MORN5: variants seen among roughly 807,000 people sequenced by gnomAD.
MORN5 encodes MORN repeat containing 5.
A neutral mutation model predicts 22.1 loss-of-function variants in MORN5; 21 were observed. The ratio of observed to expected loss-of-function variants is 0.95; its 90% confidence interval spans 0.67 to 1.37. MORN5 has a LOEUF of 1.37. Among genes scored for constraint, MORN5 ranks in the 40% most tolerant of loss-of-function variants. MORN5 has a pLI of 0.00. For synonymous variants in MORN5, 73 were observed against 74.0 expected, an observed-to-expected ratio of 0.99 and a Z score of 0.07; for missense variants, 211 against 215.1, an observed-to-expected ratio of 0.98 and a Z score of 0.12.
chr9:122,192,849 TG>T (rs1237945054), intron 4 of MORN5, among the ~76,000 whole-genome samples: 1 of 152,234 alleles, frequency 6.6e-6, no homozygotes, highest in Admixed American at 6.5e-5. Flanking sequence ...TTGCCCAGGG[TG>T]GGGAAGAAAT....
Position 122,159,930 on chromosome 9 carries a change from T to G in MORN5, c.-43T>G. 6.2e-7 allele frequency: 1 copy of G among 1,601,844 alleles called. No homozygotes were observed. The highest frequency in any genetic ancestry group is 8.6e-7 in the Non-Finnish European group (1 of 1,168,822). ...GTTGTCATAGTGATGCCGTATCCAC[T>G]GAGACTCCGGATCCTAACAGCTGGA... is the stretch of plus-strand genomic sequence containing the variant. On this transcript the variant is annotated 5_prime_UTR_variant, in exon 1 of 5. Transcript: ENST00000373764.
At chr9:122,171,538 A>G (rs562151425) in intron 3 of MORN5, among the ~76,000 whole-genome samples, 12 of 152,092 alleles carry the variant, frequency 7.9e-5, no homozygotes, top group African/African-American at 1.7e-4. Context: ...TTCAACTACC[A>G]TCAGCTTCTA....
At chr9:122,170,034 A>G (rs947008500) in intron 3 of MORN5, among the ~76,000 whole-genome samples, 7 of 152,326 alleles carry the variant, frequency 4.6e-5, no homozygotes, top group African/African-American at 1.7e-4. Context: ...CGTGGTGACT[A>G]TGCCTGTAAT....
intron 1 of MORN5, among the ~76,000 whole-genome samples, chr9:122,163,196 G>A (rs796839301): frequency 6.6e-6 from 1 of 152,142 alleles, no homozygotes. Flanking sequence ...AGGAAGGGAC[G>A]CCCATAGCAT....
intron 4 of MORN5, among the ~76,000 whole-genome samples, chr9:122,176,596 G>C (rs978439910): frequency 1.3e-5 from 2 of 152,136 alleles, no homozygotes; most frequent in African/African-American, 4.8e-5. Context: ...AAAATGGAAA[G>C]AGGCAGGACG....
At chr9:122,178,792 T>C (rs920433973) in intron 4 of MORN5, among the ~76,000 whole-genome samples, 5 of 152,118 alleles carry the variant, frequency 3.3e-5, no homozygotes, top group Non-Finnish European at 5.9e-5. Flanking sequence ...GGTTATTTAG[T>C]TGGTTGGGTT....
In MORN5 at chr9:122,166,960, G is replaced by T. The variant is rs74490453; in HGVS notation, c.195+45G>T. 1.4e-5 allele frequency: 22 copies of T among 1,569,756 alleles called. No individual in the cohort carries two copies. In the East Asian group the frequency reaches 4.4e-4, roughly 31 times the overall value. The stretch of plus-strand genomic sequence containing the variant: ...GATGCTGTGGAGGAGAGATCCTCAC[G>T]CAAGAAGAGCCTCACCCTCTGGCAC... On this transcript the variant is annotated intron_variant, in intron 2 of 4. Transcript: ENST00000373764.
intron 4 of MORN5, among the ~76,000 whole-genome samples, chr9:122,193,922 C>A (rs1414387112): frequency 6.6e-6 from 1 of 152,182 alleles, no homozygotes; most frequent in Non-Finnish European, 1.5e-5. Flanking sequence ...AACCTGGCGA[C>A]CTTGAAGGCC....
chr9:122,166,280 T>TTATATA (rs145965768), intron 1 of MORN5, among the ~76,000 whole-genome samples: 6 of 149,654 alleles, frequency 4.0e-5, no homozygotes, highest in Admixed American at 6.6e-5. Flanking sequence ...GTATCCAAGA[T>TTATATA]TATATATATA....
intron 4 of MORN5, among the ~76,000 whole-genome samples, chr9:122,185,550 T>C (rs562209093): frequency 2.5e-4 from 34 of 138,480 alleles, no homozygotes; most frequent in South Asian, 2.4e-4. Context: ...TTAGTAGAGA[T>C]GGGGTTTCAC....
intron 4 of MORN5, among the ~76,000 whole-genome samples, chr9:122,189,615 T>C (rs1829714540): frequency 6.6e-6 from 1 of 151,980 alleles, no homozygotes; most frequent in African/African-American, 2.4e-5. Context: ...TTTTTTTCTT[T>C]TTTTATTTTG....
chr9:122,196,637 A>C (rs1341847897), intron 4 of MORN5, among the ~76,000 whole-genome samples: 1 of 152,218 alleles, frequency 6.6e-6, no homozygotes, highest in Non-Finnish European at 1.5e-5. Flanking sequence ...GGCAAAAGCC[A>C]ATAATTATTT....
intron 1 of MORN5, among the ~76,000 whole-genome samples, chr9:122,163,319 A>T (rs1829230208): frequency 6.6e-6 from 1 of 152,180 alleles, no homozygotes; most frequent in Admixed American, 6.5e-5. Flanking sequence ...TAAGGCTCGG[A>T]GTAAACCTGC....
At chr9:122,194,151 C>T (rs572884245) in intron 4 of MORN5, among the ~76,000 whole-genome samples, 89 of 152,302 alleles carry the variant, frequency 5.8e-4, no homozygotes, top group African/African-American at 2.1e-3. Context: ...TAGACCTAAA[C>T]CTGAAGTGCA....
chr9:122,193,049 G>A (rs546311366), intron 4 of MORN5, among the ~76,000 whole-genome samples: 9 of 152,192 alleles, frequency 5.9e-5, no homozygotes, highest in African/African-American at 1.7e-4. Context: ...CTGTGACTTC[G>A]GCTCAGGGAA....
intron 4 of MORN5, among the ~76,000 whole-genome samples, chr9:122,199,317 C>A (rs111762068): frequency 1.3e-5 from 2 of 152,116 alleles, no homozygotes; most frequent in African/African-American, 4.8e-5. Context: ...TGGTTGGTCA[C>A]GAAGATTAAA....
chr9:122,191,874 C>T (rs911534350), intron 4 of MORN5, among the ~76,000 whole-genome samples: 1 of 152,252 alleles, frequency 6.6e-6, no homozygotes, highest in Non-Finnish European at 1.5e-5. Context: ...GCAGGCTCCC[C>T]CTCCATCCTG....
rs1387140316 is a variant in MORN5 at position 122,197,253 on chromosome 9, T to G, written c.440-2632T>G. Among the ~76,000 whole-genome samples the G allele has an allele frequency of 1.5e-5, 2 of 133,086 alleles. No homozygotes were observed. Among genetic ancestry groups the G allele is most frequent in the East Asian group, 3.9e-4 (2 of 5,182 alleles). 87.3% of individuals were successfully genotyped at this position (133,086 alleles called of 152,430 possible). A position where few individuals can be genotyped will look rare whatever the true frequency, so the allele number is the denominator to read the frequency against. On this transcript the variant is annotated intron_variant, in intron 4 of 4. Transcript: ENST00000373764. This position sits in a 1 kb window ranked among gnomAD's most constrained non-coding sequence, Gnocchi z 5.7. ...AATTGATTAAAGAGTTTGTGGGGTG[T>G]TTTTCCCCCATCTTTTTTCTCCCTC...
At chr9:122,163,066 T>A (rs558700787) in intron 1 of MORN5, among the ~76,000 whole-genome samples, 5 of 151,482 alleles carry the variant, frequency 3.3e-5, no homozygotes, top group Non-Finnish European at 7.4e-5. Context: ...AAGGTTAATG[T>A]AGTATCTGTC....
Sources: gnomAD v4.1 joint callset for allele counts (sites outside exome capture counted in the v4.1 genomes callset) on GRCh38, gnomAD v4.1.1 for gene constraint, Gnocchi (gnomAD v3.1) non-coding constraint, MANE v1.5 for transcripts, NCBI Gene and HGNC (gene_info 2026-07-23, HGNC 2026-07-21) for gene names.